CSMD1: variants seen among roughly 807,000 people sequenced by gnomAD.
The protein encoded by CSMD1 is CUB and sushi domain-containing protein 1.
Under a neutral mutation model 417.5 loss-of-function variants are expected in CSMD1, and 213 were observed. That is an observed-to-expected ratio of 0.51 (90% CI 0.46 to 0.57). The LOEUF (loss-of-function observed/expected upper bound fraction) is 0.57. CSMD1 is among the 20% of genes least tolerant of loss of function. CSMD1 has a pLI of 0.00. For synonymous variants in CSMD1, 2,862 were observed against 1,736.8 expected (o/e 1.65, Z -16.11); for missense variants, 6,923 against 4,529.7 (o/e 1.53, Z -15.17).
intron 1 of CSMD1, among the ~76,000 whole-genome samples, chr8:4,916,627 G>T (rs987305146): frequency 2.6e-5 from 4 of 152,182 alleles, no homozygotes; most frequent in Non-Finnish European, 4.4e-5. Flanking sequence ...AAACTCTGTA[G>T]TAATAACCTC....
intron 3 of CSMD1, among the ~76,000 whole-genome samples, chr8:4,158,814 G>T (rs541871150): frequency 2.6e-5 from 4 of 152,146 alleles, no homozygotes; most frequent in Non-Finnish European, 4.4e-5. Context: ...TATCATATGG[G>T]ATGATGTAGA....
chr8:4,134,194 A>C (rs1489358056), intron 3 of CSMD1, among the ~76,000 whole-genome samples: 1 of 152,208 alleles, frequency 6.6e-6, no homozygotes, highest in Non-Finnish European at 1.5e-5. Flanking sequence ...AAGTTGAAGG[A>C]AAGTCACTGT....
chr8:3,666,225 C>G (rs912219940), intron 7 of CSMD1, among the ~76,000 whole-genome samples: 8 of 152,040 alleles, frequency 5.3e-5, no homozygotes, highest in African/African-American at 1.9e-4. Context: ...TTGTTTTCCC[C>G]ACCACACTGG....
At chr8:4,165,960 C>T (rs1400116982) in intron 3 of CSMD1, among the ~76,000 whole-genome samples, 2 of 152,208 alleles carry the variant, frequency 1.3e-5, no homozygotes, top group Non-Finnish European at 2.9e-5. Context: ...CAAGGTGTCA[C>T]TGTAAGTAAT....
intron 23 of CSMD1, among the ~76,000 whole-genome samples, chr8:3,314,249 TAAAAAAA>T (rs1263813523): frequency 6.6e-6 from 1 of 151,936 alleles, no homozygotes; most frequent in Non-Finnish European, 1.5e-5. Flanking sequence ...TAAAGTATAA[TAAAAAAA>T]TAAAAAATAA....
intron 3 of CSMD1, among the ~76,000 whole-genome samples, chr8:4,255,496 A>C (rs1016889532): frequency 6.6e-6 from 1 of 152,244 alleles, no homozygotes; most frequent in Admixed American, 6.5e-5. Context: ...ATCTCATTTG[A>C]AATGTGCAAT....
intron 7 of CSMD1, among the ~76,000 whole-genome samples, chr8:3,647,160 TC>T (rs1563230829): frequency 6.6e-6 from 1 of 152,130 alleles, no homozygotes; most frequent in African/African-American, 2.4e-5. Flanking sequence ...TGGATGGTCC[TC>T]CGGTGCAACT....
chr8:3,484,592 T>G (rs983143646), intron 11 of CSMD1, among the ~76,000 whole-genome samples: 3 of 152,192 alleles, frequency 2.0e-5, no homozygotes, highest in Non-Finnish European at 4.4e-5. Context: ...AAACTAGACT[T>G]CATCAAAATT....
chr8:4,448,973 G>C (rs570292612), intron 2 of CSMD1, among the ~76,000 whole-genome samples: 3 of 152,120 alleles, frequency 2.0e-5, no homozygotes, highest in Non-Finnish European at 2.9e-5. Flanking sequence ...TGGATCCTAA[G>C]GTACAAATGG....
intron 2 of CSMD1, among the ~76,000 whole-genome samples, chr8:4,539,007 C>G (rs534563932): frequency 2.0e-5 from 3 of 152,256 alleles, no homozygotes; most frequent in African/African-American, 7.2e-5. Context: ...ATAAAATAAC[C>G]TACTCCCTTG....
chr8:3,766,547 C>T (rs1468353750), intron 5 of CSMD1, among the ~76,000 whole-genome samples: 1 of 152,006 alleles, frequency 6.6e-6, no homozygotes, highest in Non-Finnish European at 1.5e-5. Context: ...GAGCAGTCGG[C>T]ACTGGCAATG....
intron 2 of CSMD1, among the ~76,000 whole-genome samples, chr8:4,477,666 G>T (rs140283255): frequency 2.1e-4 from 32 of 152,264 alleles, no homozygotes; most frequent in Middle Eastern, 3.4e-3. Flanking sequence ...GGTACTGGAA[G>T]TGACGCAAGG....
intron 5 of CSMD1, among the ~76,000 whole-genome samples, chr8:3,891,759 T>C (rs1372135570): frequency 6.6e-6 from 1 of 152,066 alleles, no homozygotes; most frequent in Non-Finnish European, 1.5e-5. Context: ...GGAGACTGAA[T>C]CTCTGCTTCA....
At chr8:3,884,527 A>C (rs536356789) in intron 5 of CSMD1, among the ~76,000 whole-genome samples, 2 of 152,150 alleles carry the variant, frequency 1.3e-5, no homozygotes, top group Admixed American at 1.3e-4. Flanking sequence ...GGGTCCCAAC[A>C]CTGCAGTCAC....
chr8:4,057,085 G>C (rs1043542621), intron 3 of CSMD1, among the ~76,000 whole-genome samples: 1 of 152,142 alleles, frequency 6.6e-6, no homozygotes, highest in African/African-American at 2.4e-5. Flanking sequence ...GGTATTTGTA[G>C]TTCTAGATCC....
At chr8:3,277,221 C>T (rs1230455759) in intron 26 of CSMD1, among the ~76,000 whole-genome samples, 1 of 152,044 alleles carries the variant, frequency 6.6e-6, no homozygotes, top group South Asian at 2.1e-4. Context: ...GTTTTGTGGC[C>T]TTATTTTTGG....
At chr8:4,770,918 C>A (rs756364904) in intron 1 of CSMD1, among the ~76,000 whole-genome samples, 1 of 152,006 alleles carries the variant, frequency 6.6e-6, no homozygotes, top group African/African-American at 2.4e-5. Context: ...ATATATCACA[C>A]CAAAAATTCA....
intron 61 of CSMD1, among the ~76,000 whole-genome samples, chr8:2,962,179 G>A (rs529718178): frequency 6.6e-6 from 1 of 152,102 alleles, no homozygotes; most frequent in Non-Finnish European, 1.5e-5. Flanking sequence ...CCTAAACAAT[G>A]CAATTGGCAG....
chr8:3,785,565 G>T (rs558627358), intron 5 of CSMD1, among the ~76,000 whole-genome samples: 2 of 152,344 alleles, frequency 1.3e-5, no homozygotes, highest in Admixed American at 1.3e-4. Flanking sequence ...GGAGAGGTAA[G>T]CGGTGCTAAG....
Sources: allele counts gnomAD v4.1 joint callset (sites outside exome capture counted in the v4.1 genomes callset), GRCh38; gene constraint gnomAD v4.1.1; transcripts MANE v1.5; gene names NCBI Gene and HGNC (gene_info 2026-07-23, HGNC 2026-07-21).